The following PCDH10 variants were observed in gnomAD, a reference collection of about 807,000 sequenced individuals.
PCDH10 encodes the protein protocadherin 10.
In PCDH10, 15 loss-of-function variants were observed where a neutral mutation model predicts 74.4. The observed-to-expected ratio is 0.20, with a 90% CI of 0.13 to 0.31. The LOEUF (loss-of-function observed/expected upper bound fraction) is 0.31, where lower values mean the gene tolerates loss of function less well. PCDH10 is among the 10% of genes least tolerant of loss of function. The pLI, the probability that PCDH10 is intolerant of heterozygous loss-of-function variation, is 1.00. For synonymous variants in PCDH10, 619 were observed against 589.8 expected, an observed-to-expected ratio of 1.05 and a Z score of -0.72; for missense variants, 1,260 against 1,390.2, an observed-to-expected ratio of 0.91 and a Z score of 1.49.
intron 3 of PCDH10, among the ~76,000 whole-genome samples, chr4:133,160,427 C>CA (rs915847281): frequency 1.2e-4 from 18 of 149,430 alleles, no homozygotes; most frequent in African/African-American, 4.4e-4. Flanking sequence ...TTGCCATGCA[C>CA]ATGCTATAGT....
chr4:133,200,542 AGTT>A (rs1285630641), intron 2 of PCDH10, among the ~76,000 whole-genome samples: 2 of 152,208 alleles, frequency 1.3e-5, no homozygotes, highest in Admixed American at 6.5e-5. Context: ...AACACCTTCA[AGTT>A]GTTAAGTCTA....
At chr4:133,198,001 GTGTGT>G (rs1727827202), downstream of PCDH10, among the ~76,000 whole-genome samples, 1 of 148,740 alleles carries the variant, frequency 6.7e-6, no homozygotes, top group African/African-American at 2.5e-5. Context: ...GTGTGTGTGT[GTGTGT>G]GATTGGGAAA....
intron 4 of PCDH10, among the ~76,000 whole-genome samples, chr4:133,185,159 T>C (rs1394973271): frequency 6.7e-6 from 1 of 148,220 alleles, no homozygotes; most frequent in East Asian, 1.9e-4. Context: ...TATATATTTA[T>C]ATATTTACAC....
At chr4:133,165,606 T>G (rs1174622480) in intron 4 of PCDH10, among the ~76,000 whole-genome samples, 1 of 151,466 alleles carries the variant, frequency 6.6e-6, no homozygotes, top group Non-Finnish European at 1.5e-5. Flanking sequence ...TCAGAATGTT[T>G]GAATAATTAT....
chr4:133,190,531 T>G lies in PCDH10; in HGVS notation c.*371T>G. On this transcript the variant is annotated 3_prime_UTR_variant, in exon 5 of 5. Coordinates refer to ENST00000264360, the MANE Select transcript of PCDH10 (RefSeq NM_032961.3). ...AAATTTGTGCATTATAAATGCAATA[T>G]CACTGTTTTAAACTTGACTGTTTTA... 1 of 201,958 alleles carries G rather than the reference T, an allele frequency of 5.0e-6. No individual in the cohort carries two copies. Among genetic ancestry groups the G allele is most frequent in the Non-Finnish European group, 9.9e-6 (1 of 100,674 alleles). The allele number at this position is 201,958 out of a possible 1,614,324, so 12.5% of individuals were successfully genotyped here.
chr4:133,165,802 G>A (rs984667728), intron 4 of PCDH10, among the ~76,000 whole-genome samples: 1 of 151,620 alleles, frequency 6.6e-6, no homozygotes, highest in African/African-American at 2.4e-5. Flanking sequence ...AAATACAAAA[G>A]AGATCAATGT....
At chr4:133,189,464 T>C (rs1217854020) in intron 4 of PCDH10, among the ~76,000 whole-genome samples, 1 of 152,086 alleles carries the variant, frequency 6.6e-6, no homozygotes, top group African/African-American at 2.4e-5. Context: ...TGCTTTGTAA[T>C]TTAATATATT....
chr4:133,207,690 T>C (rs542179204), intron 2 of PCDH10, among the ~76,000 whole-genome samples: 5 of 152,204 alleles, frequency 3.3e-5, no homozygotes, highest in African/African-American at 1.2e-4. Flanking sequence ...AGCAAGATTA[T>C]ATTTGGAGAA....
At chr4:133,199,787 C>CTAT (rs200419038) in intron 2 of PCDH10, among the ~76,000 whole-genome samples, 5,251 of 135,656 alleles carry the variant, frequency 0.039, 256 homozygotes, top group East Asian at 0.2. Flanking sequence ...ATTATTATTA[C>CTAT]TATTATTATT....
chr4:133,174,040 T>C (rs761502964), intron 4 of PCDH10, among the ~76,000 whole-genome samples: 23 of 151,984 alleles, frequency 1.5e-4, no homozygotes, highest in Non-Finnish European at 2.5e-4. Flanking sequence ...TTGTCTAATA[T>C]TGAGTCTTCT....
Position 133,150,674 on chromosome 4 carries a change from C to T in PCDH10, c.534C>T (p.Asn178=). Reference sequence around the variant, plus strand: ...ACGTGCAGACCCAGGGGGATGGCAACCGATTCGCTGAGCTGGTGCTGGAGA... The same window carrying T: ...ACGTGCAGACCCAGGGGGATGGCAATCGATTCGCTGAGCTGGTGCTGGAGA... ...SLDVQTQGDG[N]RFAELVLEKP... The change falls in exon 1 of 5, where the codon AAC becomes AAT. Residue 178 remains asparagine, a synonymous_variant. Transcript: ENST00000264360. The T allele has an allele frequency of 1.9e-6, 3 of 1,613,018 alleles. No homozygotes were observed. The highest frequency in any genetic ancestry group is 2.5e-6 in the Non-Finnish European group (3 of 1,179,956).
At chr4:133,168,009 T>A (rs1390767219) in intron 4 of PCDH10, among the ~76,000 whole-genome samples, 1 of 151,412 alleles carries the variant, frequency 6.6e-6, no homozygotes, top group African/African-American at 2.4e-5. Flanking sequence ...TTACTTATTT[T>A]ATTGTATTTG....
Position 133,152,337 on chromosome 4 carries a change from A to G in PCDH10, c.2197A>G (p.Met733Val), listed in dbSNP as rs115235793. 7.4e-6 allele frequency: 12 copies of G among 1,614,138 alleles called. No individual in the cohort carries two copies. The East Asian group carries it at 1.3e-4, about 18-fold the overall frequency. ...GSVSFIFLLA[M>V]IVLAVRCQKE... ...GGTGTCCTTCATCTTCCTGCTGGCC[A>G]TGATCGTGCTGGCCGTGCGTTGCCA... is the stretch of plus-strand genomic sequence containing the variant. The change falls in exon 1 of 5, where the codon ATG (methionine) becomes GTG (valine). Residue 733 changes from methionine to valine, a missense_variant. Met to Val is a conservative substitution (Grantham distance 21, BLOSUM62 1). Around this residue, in one of 11 missense-constraint regions of PCDH10, gnomAD observed 587 missense variants for 616.9 expected, o/e 0.95. Transcript: ENST00000264360.
downstream of PCDH10, among the ~76,000 whole-genome samples, chr4:133,196,230 T>C (rs2125875938): frequency 6.6e-6 from 1 of 152,284 alleles, no homozygotes; most frequent in South Asian, 2.1e-4. Flanking sequence ...ACCAGAGTTT[T>C]ATTATTACTC....
intron 4 of PCDH10, among the ~76,000 whole-genome samples, chr4:133,172,428 T>G (rs539220768): frequency 2.6e-5 from 4 of 152,122 alleles, no homozygotes; most frequent in African/African-American, 4.8e-5. Context: ...ATTTTAAGAT[T>G]TTTTAATCAA....
intron 3 of PCDH10, among the ~76,000 whole-genome samples, chr4:133,157,736 A>G (rs550852278): frequency 6.6e-6 from 1 of 151,986 alleles, no homozygotes; most frequent in Non-Finnish European, 1.5e-5. Flanking sequence ...CTTTTTCTAC[A>G]TTAACATTAT....
chr4:133,177,825 C>T (rs1258110257), intron 4 of PCDH10, among the ~76,000 whole-genome samples: 1 of 152,026 alleles, frequency 6.6e-6, no homozygotes, highest in Non-Finnish European at 1.5e-5. Context: ...TTTCTCATCG[C>T]ATTAACAGAG....
At chr4:133,154,202 ATG>A in intron 1 of PCDH10, 103 bp from the exon 2 acceptor site, 1 of 709,786 alleles carries the variant, frequency 1.4e-6, no homozygotes, top group South Asian at 1.8e-5. Context: ...ATTCATAAAA[ATG>A]TATACAATTA....
At chr4:133,198,538 C>T (rs1727838725), downstream of PCDH10, among the ~76,000 whole-genome samples, 1 of 152,188 alleles carries the variant, frequency 6.6e-6, no homozygotes, top group Admixed American at 6.5e-5. Context: ...GCTTACGTTG[C>T]TTCCATTGCC....
Sources: gnomAD v4.1 joint callset for allele counts (sites outside exome capture counted in the v4.1 genomes callset) on GRCh38, gnomAD v4.1.1 for gene constraint, gnomAD v4.1.1 regional missense constraint, MANE v1.5 for transcripts, NCBI Gene and HGNC (gene_info 2026-07-23, HGNC 2026-07-21) for gene names.